Variants in GHR observed in about 807,000 individuals in gnomAD.
GHR encodes the protein growth hormone receptor.
Under a neutral mutation model 67.1 loss-of-function variants are expected in GHR, and 35 were observed. That is an observed-to-expected ratio of 0.52 (90% CI 0.40 to 0.69). GHR has a LOEUF of 0.69. GHR is among the 30% of genes least tolerant of loss of function. The pLI is 0.00. For missense variants in GHR, 792 were observed against 764.6 expected, an observed-to-expected ratio of 1.04 and a Z score of -0.42; for synonymous variants, 272 against 269.1, an observed-to-expected ratio of 1.01 and a Z score of -0.10.
At chr5:42,585,801 A>G (rs1312603622) in intron 2 of GHR, among the ~76,000 whole-genome samples, 1 of 152,032 alleles carries the variant, frequency 6.6e-6, no homozygotes, top group Non-Finnish European at 1.5e-5. Flanking sequence ...TAAGATTGAG[A>G]AGGGGAAGAA....
intron 1 of GHR, among the ~76,000 whole-genome samples, chr5:42,516,264 C>A (rs968263302): frequency 1.4e-4 from 22 of 152,130 alleles, no homozygotes; most frequent in Admixed American, 1.4e-3. Flanking sequence ...TTAGATTTTT[C>A]TCAAGCATAG....
chr5:42,516,274 G>A (rs148485153), intron 1 of GHR, among the ~76,000 whole-genome samples: 11 of 152,276 alleles, frequency 7.2e-5, no homozygotes, highest in Non-Finnish European at 1.6e-4. Context: ...CTCAAGCATA[G>A]CAGAAATTAA....
chr5:42,596,708 T>C (rs1247072781), intron 2 of GHR, among the ~76,000 whole-genome samples: 1 of 152,178 alleles, frequency 6.6e-6, no homozygotes, highest in African/African-American at 2.4e-5. Flanking sequence ...ATTGAGAGAC[T>C]GAGGTCCAAG....
At chr5:42,432,336 TC>T (rs1743130378) in intron 1 of GHR, among the ~76,000 whole-genome samples, 1 of 152,226 alleles carries the variant, frequency 6.6e-6, no homozygotes, top group African/African-American at 2.4e-5. Flanking sequence ...CGCAGATAGT[TC>T]TTTCCCTGTG....
At chr5:42,713,689 T>A (rs756578501) in intron 8 of GHR, among the ~76,000 whole-genome samples, 170 bp downstream of exon 8, 8 of 152,230 alleles carry the variant, frequency 5.3e-5, no homozygotes, top group Non-Finnish European at 1.0e-4. Context: ...AAAACTCAAT[T>A]TGTTGTATTT....
At chr5:42,692,522 A>G (rs1757466896) in intron 4 of GHR, among the ~76,000 whole-genome samples, 2 of 152,206 alleles carry the variant, frequency 1.3e-5, no homozygotes, top group African/African-American at 4.8e-5. Context: ...AGTTTAAAAT[A>G]TAAGTTATAA....
At chr5:42,695,442 A>G (rs575966359) in intron 5 of GHR, among the ~76,000 whole-genome samples, 98 of 152,296 alleles carry the variant, frequency 6.4e-4, no homozygotes, top group African/African-American at 2.3e-3. Flanking sequence ...TAATTATTTG[A>G]TAGGATCCTT....
intron 1 of GHR, among the ~76,000 whole-genome samples, chr5:42,463,924 C>T (rs1262720029): frequency 1.6e-5 from 2 of 128,098 alleles, no homozygotes; most frequent in African/African-American, 2.9e-5. Flanking sequence ...ACCCGAGAGG[C>T]GGAGCTTGCA....
At chr5:42,514,065 T>C (rs1320541018) in intron 1 of GHR, 30 of 969,072 alleles carry the variant, frequency 3.1e-5, no homozygotes, top group Non-Finnish European at 3.6e-5. Flanking sequence ...ACCCAGAATT[T>C]ATTTTTTCTT....
At chr5:42,602,243 T>G (rs1752413295) in intron 2 of GHR, among the ~76,000 whole-genome samples, 1 of 152,202 alleles carries the variant, frequency 6.6e-6, no homozygotes, top group African/African-American at 2.4e-5. Flanking sequence ...ATGATAGTCT[T>G]TCTGCTGTAC....
Position 42,463,992 on chromosome 5 carries a change from CAAAAAA to C in GHR, c.-12+40056_-12+40061del, listed in dbSNP as rs70991406. Among the ~76,000 whole-genome samples, 3 of 46,520 alleles carry C rather than the reference CAAAAAA, an allele frequency of 6.4e-5. No individual in the cohort carries two copies. In the East Asian group the frequency reaches 4.6e-3, roughly 71 times the overall value. The allele number at this position is 46,520 out of a possible 152,430, so 30.5% of individuals were successfully genotyped here. On this transcript the variant is annotated intron_variant, in intron 1 of 9. Transcript: ENST00000230882. ...TGGGCGACAGAGCGAGACTCCGTCT[CAAAAAA>C]AAAAAAAAAAAAAAAAAAGAAAAAG...
At chr5:42,674,788 T>G (rs1207149114) in intron 3 of GHR, among the ~76,000 whole-genome samples, 1 of 152,180 alleles carries the variant, frequency 6.6e-6, no homozygotes, top group South Asian at 2.1e-4. Context: ...TTCTGTTATT[T>G]TAAATAATGC....
chr5:42,641,847 C>G (rs1330555383), intron 3 of GHR, among the ~76,000 whole-genome samples: 2 of 152,088 alleles, frequency 1.3e-5, no homozygotes, highest in East Asian at 1.9e-4. Flanking sequence ...GAATATACAC[C>G]AATTCCTTCC....
Position 42,688,213 on chromosome 5 carries a change from A to G in GHR, c.137-677A>G, listed in dbSNP as rs58972936. 1.4e-4 allele frequency among the ~76,000 whole-genome samples: 22 copies of G among 152,224 alleles called. No homozygotes were observed. The East Asian group carries it at 4.2e-3, about 29-fold the overall frequency. On this transcript the variant is annotated intron_variant, in intron 3 of 9. Coordinates refer to ENST00000230882, the MANE Select transcript of GHR (RefSeq NM_000163.5). ...TTCCCACACTACATCCCCCACATCC[A>G]CCTGATGTCATCACAACTGTCTATG...
At chr5:42,534,073 T>A (rs545648118) in intron 1 of GHR, among the ~76,000 whole-genome samples, 2 of 150,030 alleles carry the variant, frequency 1.3e-5, no homozygotes, top group East Asian at 3.9e-4. Flanking sequence ...TATGTACGTA[T>A]GTATATATGT....
intron 1 of GHR, among the ~76,000 whole-genome samples, chr5:42,448,806 T>C (rs1743928494): frequency 6.6e-6 from 1 of 152,134 alleles, no homozygotes; most frequent in Non-Finnish European, 1.5e-5. Context: ...GAATTGATTT[T>C]TATATAAGGT....
intron 3 of GHR, among the ~76,000 whole-genome samples, chr5:42,648,306 C>T (rs73751229): frequency 0.011 from 1,610 of 152,258 alleles, 32 homozygotes; most frequent in African/African-American, 0.037. Context: ...TTGTGGGTTA[C>T]ACCAAACAGT....
chr5:42,581,688 G>A (rs533947436), intron 2 of GHR, among the ~76,000 whole-genome samples: 6 of 152,156 alleles, frequency 3.9e-5, no homozygotes, highest in South Asian at 2.1e-4. Context: ...ATCTGGAGCC[G>A]CTGCTGTGAA....
intron 1 of GHR, among the ~76,000 whole-genome samples, chr5:42,545,155 C>A (rs768603695): frequency 6.6e-6 from 1 of 152,140 alleles, no homozygotes; most frequent in Non-Finnish European, 1.5e-5. Flanking sequence ...ACTGATAGAA[C>A]CGGCCTGAAT....
Sources: allele counts gnomAD v4.1 joint callset (sites outside exome capture counted in the v4.1 genomes callset), GRCh38; gene constraint gnomAD v4.1.1; transcripts MANE v1.5; gene names NCBI Gene and HGNC (gene_info 2026-07-23, HGNC 2026-07-21).